The following DHRSX variants were observed in gnomAD, a reference collection of about 807,000 sequenced individuals.
DHRSX encodes the protein dehydrogenase/reductase X-linked.
Under a neutral mutation model 34.0 loss-of-function variants are expected in DHRSX, and 31 were observed. The ratio of observed to expected loss-of-function variants is 0.91; its 90% CI spans 0.69 to 1.23. The LOEUF (loss-of-function observed/expected upper bound fraction) is 1.23. Among genes scored for constraint, DHRSX ranks in the 50% most tolerant of loss-of-function variants. DHRSX has a pLI of 0.00. For missense variants in DHRSX, 414 were observed against 428.1 expected, an observed-to-expected ratio of 0.97 and a Z score of 0.29; for synonymous variants, 201 against 183.8, an observed-to-expected ratio of 1.09 and a Z score of -0.76.
At chrX:2,228,811 C>G (rs1346300762) in intron 6 of DHRSX, among the ~76,000 whole-genome samples, 2 of 152,162 alleles carry the variant, frequency 1.3e-5, no homozygotes, top group Non-Finnish European at 2.9e-5. Flanking sequence ...CAAAGAGCTT[C>G]AGAAAGCTGT....
At chrX:2,491,915 A>G (rs2045158236) in intron 1 of DHRSX, among the ~76,000 whole-genome samples, 1 of 152,192 alleles carries the variant, frequency 6.6e-6, no homozygotes, top group Non-Finnish European at 1.5e-5. Flanking sequence ...AGGCCCTTCC[A>G]GCTGCCACTC....
chrX:2,352,726 C>T (rs1264174823), intron 3 of DHRSX, among the ~76,000 whole-genome samples: 7 of 152,070 alleles, frequency 4.6e-5, no homozygotes, highest in Non-Finnish European at 7.4e-5. Context: ...TTGAATGCTA[C>T]GGTGATAGCT....
intron 1 of DHRSX, among the ~76,000 whole-genome samples, chrX:2,484,808 G>A (rs763983621): frequency 3.9e-5 from 6 of 152,030 alleles, no homozygotes; most frequent in Non-Finnish European, 7.4e-5. Context: ...CAGGAAGATG[G>A]TCGGAACAAA....
chrX:2,285,888 G>C (rs1421586583), intron 4 of DHRSX, among the ~76,000 whole-genome samples: 1 of 151,996 alleles, frequency 6.6e-6, no homozygotes, highest in Admixed American at 6.5e-5. Flanking sequence ...CCAAGCTTCA[G>C]CACACCAGCT....
At chrX:2,425,646 C>T (rs2043836330) in intron 1 of DHRSX, among the ~76,000 whole-genome samples, 2 of 152,196 alleles carry the variant, frequency 1.3e-5, no homozygotes, top group African/African-American at 4.8e-5. Flanking sequence ...ATAACCTCTG[C>T]TCTCAGGGCA....
At chrX:2,367,566 TAAAC>T (rs1473224870) in intron 3 of DHRSX, among the ~76,000 whole-genome samples, 1 of 151,382 alleles carries the variant, frequency 6.6e-6, no homozygotes, top group Non-Finnish European at 1.5e-5. Context: ...CTAGAGAAAA[TAAAC>T]AAGGACAAAG....
chrX:2,471,287 T>C (rs1159202605), intron 1 of DHRSX, among the ~76,000 whole-genome samples: 2 of 152,176 alleles, frequency 1.3e-5, no homozygotes, highest in Non-Finnish European at 1.5e-5. Context: ...GTATCCACAC[T>C]GGGCTGGGCG....
chrX:2,399,563 G>C (rs1348990467), intron 3 of DHRSX, among the ~76,000 whole-genome samples: 2 of 151,434 alleles, frequency 1.3e-5, no homozygotes, highest in African/African-American at 4.9e-5. Flanking sequence ...AAAATTAGCT[G>C]GGTGTGATGG....
At chrX:2,287,293 GC>G (rs2041814941) in intron 4 of DHRSX, among the ~76,000 whole-genome samples, 1 of 151,992 alleles carries the variant, frequency 6.6e-6, no homozygotes, top group Non-Finnish European at 1.5e-5. Flanking sequence ...CACAATAATG[GC>G]CCCAAAGATG....
intron 3 of DHRSX, among the ~76,000 whole-genome samples, chrX:2,373,630 G>A (rs73191318): frequency 0.23 from 35,046 of 152,056 alleles, 5,271 homozygotes; most frequent in Non-Finnish European, 0.35. Context: ...TAAATTATCA[G>A]GTTGGAGAAA....
chrX:2,371,384 CCA>C (rs1486940746), intron 3 of DHRSX, among the ~76,000 whole-genome samples: 33 of 57,544 alleles, frequency 5.7e-4, no homozygotes, highest in African/African-American at 1.5e-3. Context: ...CCCTCCGTTA[CCA>C]CAGTCCCCCC....
intron 1 of DHRSX, among the ~76,000 whole-genome samples, chrX:2,445,876 C>T (rs772592012): frequency 3.0e-4 from 45 of 150,740 alleles, no homozygotes; most frequent in Non-Finnish European, 5.5e-4. Context: ...TAAGGGACTC[C>T]GCCATGTACA....
chrX:2,494,328 T>C (rs1246976835), intron 1 of DHRSX, among the ~76,000 whole-genome samples: 2 of 152,034 alleles, frequency 1.3e-5, no homozygotes, highest in African/African-American at 4.8e-5. Context: ...ATTTTCATTC[T>C]ATCATTATTA....
intron 3 of DHRSX, among the ~76,000 whole-genome samples, chrX:2,298,723 C>T (rs1167856350): frequency 4.6e-5 from 7 of 151,786 alleles, no homozygotes; most frequent in Admixed American, 3.9e-4. Context: ...CGGCAGCTCA[C>T]GCCTGTATTC....
intron 6 of DHRSX, among the ~76,000 whole-genome samples, chrX:2,229,238 C>A (rs1188845929): frequency 1.3e-5 from 2 of 152,048 alleles, no homozygotes; most frequent in Non-Finnish European, 2.9e-5. Context: ...GCTGAGCTTC[C>A]CAAGGAGAGT....
intron 1 of DHRSX, among the ~76,000 whole-genome samples, chrX:2,446,435 G>A (rs2044136191): frequency 6.6e-6 from 1 of 150,940 alleles, no homozygotes; most frequent in African/African-American, 2.4e-5. Flanking sequence ...TGGCCCAAGG[G>A]ACGACAGCTG....
intron 4 of DHRSX, among the ~76,000 whole-genome samples, chrX:2,276,093 C>T (rs531667511): frequency 7.9e-5 from 12 of 152,310 alleles, no homozygotes; most frequent in Middle Eastern, 3.4e-3. Flanking sequence ...CCATCCACGT[C>T]GGCCTCCCAA....
intron 6 of DHRSX, among the ~76,000 whole-genome samples, chrX:2,224,868 A>G (rs992499760): frequency 7.3e-5 from 11 of 149,822 alleles, no homozygotes; most frequent in East Asian, 4.1e-4. Context: ...ATTCGCATGC[A>G]CACAGCTCAC....
intron 3 of DHRSX, among the ~76,000 whole-genome samples, chrX:2,320,285 G>A (rs1192460984): frequency 2.5e-5 from 3 of 119,486 alleles, no homozygotes; most frequent in African/African-American, 6.3e-5. Context: ...TTCCCTATGT[G>A]GACTTTTCTT....
Sources: allele counts gnomAD v4.1 joint callset (sites outside exome capture counted in the v4.1 genomes callset), GRCh38; gene constraint gnomAD v4.1.1; transcripts MANE v1.5; gene names NCBI Gene and HGNC (gene_info 2026-07-23, HGNC 2026-07-21).